RAF1: variants seen among roughly 807,000 people sequenced by gnomAD.
The protein encoded by RAF1 is Raf-1 proto-oncogene, serine/threonine kinase, also known as RAF proto-oncogene serine/threonine-protein kinase.
Under a neutral mutation model 81.1 loss-of-function variants are expected in RAF1, and 27 were observed. The ratio of observed to expected loss-of-function variants is 0.33; its 90% CI spans 0.25 to 0.46. The LOEUF is 0.46. RAF1 is among the 20% of genes least tolerant of loss of function. RAF1 has a pLI of 1.00. For synonymous variants in RAF1, 298 were observed against 294.0 expected (o/e 1.01, Z -0.14); for missense variants, 598 against 826.0 (o/e 0.72, Z 3.38).
At chr3:12,651,527 G>A (rs966976512) in intron 1 of RAF1, among the ~76,000 whole-genome samples, 9 of 152,070 alleles carry the variant, frequency 5.9e-5, no homozygotes, top group African/African-American at 2.2e-4. Context: ...CCAGCTACTC[G>A]GGAGGCTGAG....
At position 12,584,630 on chromosome 3, in the gene RAF1, G is replaced by A. The variant is rs1203300325; in HGVS notation, c.1891C>T (p.His631Tyr). The A allele has an allele frequency of 1.9e-6, 3 of 1,614,068 alleles. No homozygotes were observed. Among genetic ancestry groups the A allele is most frequent in the South Asian group, 2.2e-5 (2 of 91,074 alleles). ...CTCCGGTTGATCTTCGGTAGAGAGT[G>A]TTGGAGCAGCTCAATGGAAGACAGG... The change falls in exon 18 of 18, where the codon CAC becomes TAC. Residue 631 changes from histidine to tyrosine, a missense_variant. Transcript: ENST00000442415.
Position 12,655,007 on chromosome 3 carries a change from C to CCT in RAF1, c.-27+8805_-27+8806insAG, listed in dbSNP as rs937832088. Among the ~76,000 whole-genome samples, 22 of 148,556 alleles carry CCT rather than the reference C, an allele frequency of 1.5e-4. 1 individual carries two copies. The South Asian group carries it at 3.7e-3, about 25-fold the overall frequency. On this transcript the variant is annotated intron_variant, in intron 1 of 17. Transcript: ENST00000442415. ...CCTGGTAAACATAGTGAGACCCCCCCCCCGCCATCTCTAAAATAGTAAAAA... is the reference window on the plus strand; with the variant it reads ...CCTGGTAAACATAGTGAGACCCCCCCCTCCCGCCATCTCTAAAATAGTAAAAA...
chr3:12,656,837 A>G (rs1197653012), intron 1 of RAF1, among the ~76,000 whole-genome samples: 1 of 152,090 alleles, frequency 6.6e-6, no homozygotes, highest in Non-Finnish European at 1.5e-5. Context: ...TCTCTACTAA[A>G]AATACAAAAT....
chr3:12,584,214 C>T lies in RAF1; in HGVS notation c.*300G>A. The T allele has an allele frequency of 4.3e-6, 2 of 463,536 alleles. No individual in the cohort carries two copies. The highest frequency in any genetic ancestry group is 4.7e-5 in the South Asian group (2 of 42,544). The allele number at this position is 463,536 out of a possible 1,614,324, so 28.7% of individuals were successfully genotyped here. Reference sequence around the variant, plus strand: ...TGTAGCCAACAGCTGGGGCTGGGCCCCTGCTTTTTGTACTACCATCAACAT... The same window carrying T: ...TGTAGCCAACAGCTGGGGCTGGGCCTCTGCTTTTTGTACTACCATCAACAT... On this transcript the variant is annotated 3_prime_UTR_variant, in exon 18 of 18. Transcript: ENST00000442415.
At chr3:12,629,839 G>A (rs1325496166) in intron 1 of RAF1, among the ~76,000 whole-genome samples, 1 of 152,194 alleles carries the variant, frequency 6.6e-6, no homozygotes, top group African/African-American at 2.4e-5. Context: ...AGGTTGGAGT[G>A]CAGTGGCATG....
At chr3:12,590,698 G>GA in intron 13 of RAF1, 100 bp downstream of exon 12, 1 of 1,324,050 alleles carries the variant, frequency 7.6e-7, no homozygotes, top group Admixed American at 1.7e-5. Flanking sequence ...AGATATCACA[G>GA]AATCGCTTAA....
intron 1 of RAF1, among the ~76,000 whole-genome samples, chr3:12,651,150 C>T (rs955694756): frequency 5.9e-5 from 9 of 152,070 alleles, no homozygotes; most frequent in African/African-American, 2.2e-4. Context: ...AAATGTTTAC[C>T]CTGCTTTTTT....
chr3:12,602,295 A>G (rs912997253), intron 8 of RAF1, among the ~76,000 whole-genome samples: 1 of 152,252 alleles, frequency 6.6e-6, no homozygotes, highest in Non-Finnish European at 1.5e-5. Flanking sequence ...GCTGACTTAT[A>G]TGTGATTAAA....
chr3:12,649,677 A>G (rs2060461838), intron 1 of RAF1, among the ~76,000 whole-genome samples: 2 of 152,090 alleles, frequency 1.3e-5, no homozygotes, highest in African/African-American at 2.4e-5. Flanking sequence ...ATACCCTGCT[A>G]TTTTGCCAGA....
chr3:12,619,973 T>A (rs1006040275), intron 1 of RAF1, among the ~76,000 whole-genome samples: 17 of 151,910 alleles, frequency 1.1e-4, no homozygotes, highest in African/African-American at 4.1e-4. Context: ...TCCCAGCTAC[T>A]CAGGAGGCTG....
rs752264631 is a variant in RAF1 at position 12,609,354 on chromosome 3, A to C, written c.321-19T>G. On this transcript the variant is annotated intron_variant, in intron 3 of 17. Transcript: ENST00000442415. ...TTTTTTACTAGAAAGGATTTAAAAA[A>C]AACATGAAATGTTTAAACAAGATCA... 2 of 1,534,456 alleles carry C rather than the reference A, an allele frequency of 1.3e-6. No homozygotes were observed. Among genetic ancestry groups the C allele is most frequent in the Non-Finnish European group, 1.8e-6 (2 of 1,107,438 alleles).
chr3:12,601,514 A>G (rs904452), intron 8 of RAF1, among the ~76,000 whole-genome samples: 23,617 of 152,202 alleles, frequency 0.16, 2,288 homozygotes, highest in Non-Finnish European at 0.23. Flanking sequence ...AGAATAATAT[A>G]AAACCACTTG....
chr3:12,656,670 C>A (rs1397887688), intron 1 of RAF1, among the ~76,000 whole-genome samples: 1 of 152,142 alleles, frequency 6.6e-6, no homozygotes, highest in African/African-American at 2.4e-5. Context: ...AGACATGCCT[C>A]ATTTTTAAAC....
At chr3:12,600,331 A>T in intron 9 of RAF1, 52 bp from the exon 9 acceptor site, 1 of 1,614,166 alleles carries the variant, frequency 6.2e-7, no homozygotes, top group Non-Finnish European at 8.5e-7. Context: ...AACAGAAGAT[A>T]CACCGCATAA....
chr3:12,659,847 C>A (rs1284037312), intron 1 of RAF1, among the ~76,000 whole-genome samples: 1 of 152,168 alleles, frequency 6.6e-6, no homozygotes, highest in African/African-American at 2.4e-5. Flanking sequence ...TCCTCCCAAG[C>A]TCAAGATTAT....
In RAF1 at chr3:12,583,679, T is replaced by TAAAA. The variant is rs2058213188; in HGVS notation, c.*831_*834dup. 1 of 233,258 alleles carries TAAAA rather than the reference T, an allele frequency of 4.3e-6. No individual in the cohort carries two copies. The highest frequency in any genetic ancestry group is 2.2e-5 in the African/African-American group (1 of 45,358). 14.4% of individuals were successfully genotyped at this position (233,258 alleles called of 1,614,324 possible). A position where few individuals can be genotyped will look rare whatever the true frequency, so the allele number is the denominator to read the frequency against. The stretch of plus-strand genomic sequence containing the variant: ...GATAACTGTATTTTGTCAGGTGCAA[T>TAAAA]AAAAACAAAATTAAAACCCAAATCA... On this transcript the variant is annotated 3_prime_UTR_variant, in exon 18 of 18. Transcript: ENST00000442415.
chr3:12,636,537 G>A (rs577211940), intron 1 of RAF1, among the ~76,000 whole-genome samples: 2 of 151,964 alleles, frequency 1.3e-5, no homozygotes, highest in South Asian at 4.2e-4. Flanking sequence ...TAGGTGTGGT[G>A]GCTCATGCCT....
At chr3:12,595,360 C>T (rs1236839930) in intron 11 of RAF1, among the ~76,000 whole-genome samples, 4 of 152,202 alleles carry the variant, frequency 2.6e-5, no homozygotes, top group Non-Finnish European at 5.9e-5. Flanking sequence ...ATGTGGGCCA[C>T]TGCACCCAAT....
chr3:12,629,713 G>A (rs2059808020), intron 1 of RAF1, among the ~76,000 whole-genome samples: 1 of 152,156 alleles, frequency 6.6e-6, no homozygotes, highest in Non-Finnish European at 1.5e-5. Flanking sequence ...CAACCTTGTG[G>A]CAGCCTACTC....
Sources: allele counts gnomAD v4.1 joint callset (sites outside exome capture counted in the v4.1 genomes callset), GRCh38; gene constraint gnomAD v4.1.1; transcripts MANE v1.5; gene names NCBI Gene and HGNC (gene_info 2026-07-23, HGNC 2026-07-21).